The following LRFN2 variants were observed in gnomAD, a reference collection of about 807,000 sequenced individuals.
LRFN2 encodes the protein leucine rich repeat and fibronectin type III domain containing 2, also known as leucine-rich repeat and fibronectin type-III domain-containing protein 2.
Under a neutral mutation model 37.3 loss-of-function variants are expected in LRFN2, and 18 were observed. The ratio of observed to expected loss-of-function variants is 0.48; its 90% CI spans 0.33 to 0.72. The LOEUF (loss-of-function observed/expected upper bound fraction) is 0.72, where lower values mean the gene tolerates loss of function less well. Among genes scored for constraint, LRFN2 ranks in the 30% least tolerant of loss-of-function variants. The pLI, the probability that LRFN2 is intolerant of heterozygous loss-of-function variation, is 0.02. For missense variants in LRFN2, 1,006 were observed against 1,060.7 expected, an observed-to-expected ratio of 0.95 and a Z score of 0.72; for synonymous variants, 556 against 466.6, an observed-to-expected ratio of 1.19 and a Z score of -2.47.
At chr6:40,444,668 GC>G (rs1036968093) in intron 1 of LRFN2, among the ~76,000 whole-genome samples, 2 of 152,078 alleles carry the variant, frequency 1.3e-5, no homozygotes, top group African/African-American at 4.8e-5. Context: ...TTCTCTTTGT[GC>G]CTCAGACTCC....
At chr6:40,484,302 CTG>C (rs1230659680) in intron 1 of LRFN2, among the ~76,000 whole-genome samples, 3 of 152,220 alleles carry the variant, frequency 2.0e-5, no homozygotes, top group African/African-American at 7.2e-5. Flanking sequence ...CTCTGCCAAG[CTG>C]TGTGATCAGC....
intron 1 of LRFN2, among the ~76,000 whole-genome samples, chr6:40,497,787 G>T (rs1161823564): frequency 6.6e-6 from 1 of 152,128 alleles, no homozygotes; most frequent in Non-Finnish European, 1.5e-5. Flanking sequence ...CATGGCCTTT[G>T]CAGAGAGGGC....
Position 40,432,512 on chromosome 6 carries a change from C to A in LRFN2, c.602G>T (p.Arg201Leu). 6.2e-7 allele frequency: 1 copy of A among 1,614,196 alleles called. No homozygotes were observed. ...GTFADLQKLA[R>L]LDLTSNRLQK... ...CAGCCGATTGGAGGTGAGATCCAGG[C>A]GGGCCAGTTTCTGCAGGTCTGCAAA... The change falls in exon 2 of 3, where the codon CGC becomes CTC. Residue 201 changes from arginine (R) to leucine (L), a missense_variant. Arg to Leu is a moderately radical substitution (Grantham distance 102). Coordinates refer to ENST00000338305, the MANE Select transcript of LRFN2 (RefSeq NM_020737.3).
intron 2 of LRFN2, among the ~76,000 whole-genome samples, chr6:40,416,407 G>A (rs1197718265): frequency 2.0e-5 from 3 of 152,056 alleles, no homozygotes; most frequent in Non-Finnish European, 2.9e-5. Context: ...ACATCCCAAG[G>A]GGGTGGCGGG....
At chr6:40,561,027 A>G (rs903138063) in intron 1 of LRFN2, among the ~76,000 whole-genome samples, 2 of 152,198 alleles carry the variant, frequency 1.3e-5, no homozygotes, top group African/African-American at 4.8e-5. Context: ...TTGTTGACTC[A>G]GTGCAGAAGT....
intron 1 of LRFN2, among the ~76,000 whole-genome samples, chr6:40,554,251 G>T (rs1017648060): frequency 1.3e-5 from 2 of 152,210 alleles, no homozygotes; most frequent in Non-Finnish European, 2.9e-5. Flanking sequence ...TGGACCCAGG[G>T]TTTCATTTAT....
chr6:40,432,031 A>G lies in LRFN2; in HGVS notation c.1083T>C (p.Ala361=). 2 of 1,614,022 alleles carry G rather than the reference A, an allele frequency of 1.2e-6. No individual in the cohort carries two copies. Among genetic ancestry groups the G allele is most frequent in the Non-Finnish European group, 1.7e-6 (2 of 1,180,036 alleles). The stretch of plus-strand genomic sequence containing the variant: ...CCGTGGCCTCTCCGGCAGCATTGGC[A>G]GCAATGCAGGTGAAGGCACCACTGT... ...SQDSGAFTCI[A]ANAAGEATAM... Residue 361 remains alanine (A), a synonymous_variant, in exon 2 of 3, where the codon GCT becomes GCC. Coordinates refer to ENST00000338305, the MANE Select transcript of LRFN2 (RefSeq NM_020737.3).
intron 1 of LRFN2, among the ~76,000 whole-genome samples, chr6:40,539,143 C>T (rs2113914803): frequency 6.6e-6 from 1 of 152,222 alleles, no homozygotes; most frequent in East Asian, 1.9e-4. Flanking sequence ...TCCCACCCAC[C>T]CCAACTACCT....
At chr6:40,397,864 T>C (rs1039932976) in intron 2 of LRFN2, among the ~76,000 whole-genome samples, 1 of 148,058 alleles carries the variant, frequency 6.8e-6, no homozygotes, top group Non-Finnish European at 1.5e-5. Flanking sequence ...GGCTCACAGA[T>C]GGATGCCGGC....
At chr6:40,482,343 T>C (rs1261337599) in intron 1 of LRFN2, among the ~76,000 whole-genome samples, 1 of 152,080 alleles carries the variant, frequency 6.6e-6, no homozygotes, top group Non-Finnish European at 1.5e-5. Flanking sequence ...GGAACACAGA[T>C]GGATGGACCA....
intron 1 of LRFN2, among the ~76,000 whole-genome samples, chr6:40,547,566 T>C (rs1766689754): frequency 6.6e-6 from 1 of 152,110 alleles, no homozygotes; most frequent in South Asian, 2.1e-4. Flanking sequence ...TTCTTCACCC[T>C]GGTCATTGTC....
chr6:40,579,915 G>A (rs1014919230), intron 1 of LRFN2, among the ~76,000 whole-genome samples: 4 of 152,306 alleles, frequency 2.6e-5, no homozygotes, highest in Non-Finnish European at 5.9e-5. Context: ...GTCGTGAAAG[G>A]GATGGGTGAA....
At chr6:40,494,717 C>T (rs542933022) in intron 1 of LRFN2, among the ~76,000 whole-genome samples, 1 of 152,126 alleles carries the variant, frequency 6.6e-6, no homozygotes, top group African/African-American at 2.4e-5. Flanking sequence ...ATCCATAACA[C>T]CTCACCTCTG....
At chr6:40,577,499 C>G (rs9471380) in intron 1 of LRFN2, among the ~76,000 whole-genome samples, 3 of 150,144 alleles carry the variant, frequency 2.0e-5, no homozygotes, top group Admixed American at 6.6e-5. Flanking sequence ...TAGTTACATA[C>G]GTATACATGT....
chr6:40,542,598 T>C (rs1766576715), intron 1 of LRFN2, among the ~76,000 whole-genome samples: 1 of 152,154 alleles, frequency 6.6e-6, no homozygotes, highest in Non-Finnish European at 1.5e-5. Flanking sequence ...CTCTGCACCC[T>C]GGGCCTCTGA....
chr6:40,392,984 A>T lies in LRFN2; in HGVS notation c.1401-72T>A. The T allele has an allele frequency of 2.9e-6, 3 of 1,029,212 alleles. No individual in the cohort carries two copies. The highest frequency in any genetic ancestry group is 3.9e-6 in the Non-Finnish European group (3 of 762,570). 63.8% of individuals were successfully genotyped at this position (1,029,212 alleles called of 1,614,324 possible). ...GGACAGGGTGATGGGGAGTGGACAG[A>T]GGTAGAAACAGAGTGACAGAGATGG... On this transcript the variant is annotated intron_variant, in intron 2 of 2. Transcript: ENST00000338305. The surrounding 1 kb of genome is among the most constrained non-coding windows in gnomAD (Gnocchi z 4.7).
At chr6:40,466,907 C>G (rs1375523580) in intron 1 of LRFN2, among the ~76,000 whole-genome samples, 2 of 151,826 alleles carry the variant, frequency 1.3e-5, no homozygotes, top group South Asian at 4.2e-4. Context: ...ATCCCATGTG[C>G]CTGGTATTCT....
intron 1 of LRFN2, among the ~76,000 whole-genome samples, chr6:40,443,654 G>A (rs1412982051): frequency 6.6e-6 from 1 of 152,190 alleles, no homozygotes; most frequent in Non-Finnish European, 1.5e-5. Context: ...CAGTTCTGGG[G>A]AGAAGGGGTG....
chr6:40,565,017 A>T (rs1172167712), intron 1 of LRFN2, among the ~76,000 whole-genome samples: 1 of 152,234 alleles, frequency 6.6e-6, no homozygotes, highest in Non-Finnish European at 1.5e-5. Flanking sequence ...GACGCCTGTC[A>T]GTTCAACTGA....
Sources: gnomAD v4.1 joint callset for allele counts (sites outside exome capture counted in the v4.1 genomes callset) on GRCh38, gnomAD v4.1.1 for gene constraint, Gnocchi (gnomAD v3.1) non-coding constraint, MANE v1.5 for transcripts, NCBI Gene and HGNC (gene_info 2026-07-23, HGNC 2026-07-21) for gene names.